The following WDR25 variants were observed in gnomAD, a reference collection of about 807,000 sequenced individuals.
The protein encoded by WDR25 is WD repeat domain 25, also known as WD repeat-containing protein 25.
WDR25 carries 35 observed loss-of-function variants against 47.7 expected under a neutral mutation model. The observed-to-expected ratio is 0.73, with a 90% CI of 0.56 to 0.97. The LOEUF is 0.97. Ranked by LOEUF, WDR25 falls within the 50% of genes least tolerant of loss-of-function variation. The pLI, the probability that WDR25 is intolerant of heterozygous loss-of-function variation, is 0.00. For synonymous variants in WDR25, 248 were observed against 278.9 expected, an observed-to-expected ratio of 0.89 and a Z score of 1.10; for missense variants, 634 against 704.7, an observed-to-expected ratio of 0.90 and a Z score of 1.14.
rs1296387361 is a variant in WDR25 at position 100,392,351 on chromosome 14, CCACGT to C, written c.822+10607_822+10611del. Among the ~76,000 whole-genome samples the C allele has an allele frequency of 6.6e-6, 1 of 151,598 alleles. No individual in the cohort carries two copies. Among genetic ancestry groups the C allele is most frequent in the African/African-American group, 2.4e-5 (1 of 41,204 alleles). On this transcript the variant is annotated intron_variant, in intron 2 of 6. Transcript: ENST00000402312. The surrounding 1 kb of genome is among the most constrained non-coding windows in gnomAD (Gnocchi z 4.2). Reference sequence around the variant, plus strand: ...GATAAGTGAGTGGGTTCTTTTCCAGCCACGTCTCTGTCTTCTTCTGCTTGGTTAGC... The same window carrying C: ...GATAAGTGAGTGGGTTCTTTTCCAGCCTCTGTCTTCTTCTGCTTGGTTAGC...
chr14:100,396,438 G>A (rs1897262178), intron 2 of WDR25, among the ~76,000 whole-genome samples: 1 of 152,182 alleles, frequency 6.6e-6, no homozygotes, highest in African/African-American at 2.4e-5. Context: ...ACCATGAAAA[G>A]CCACCCCAAA....
At chr14:100,397,952 C>T (rs1304095064) in intron 2 of WDR25, among the ~76,000 whole-genome samples, 2 of 152,172 alleles carry the variant, frequency 1.3e-5, no homozygotes, top group African/African-American at 2.4e-5. Context: ...AATTCTCCTG[C>T]CTCAGCCTCC....
intron 4 of WDR25, among the ~76,000 whole-genome samples, chr14:100,524,547 T>C (rs2030021052): frequency 6.6e-6 from 1 of 152,138 alleles, no homozygotes; most frequent in Non-Finnish European, 1.5e-5. Context: ...AAGGCTTTTT[T>C]TTTCCACCCC....
intron 4 of WDR25, among the ~76,000 whole-genome samples, chr14:100,508,826 T>C (rs1901204479): frequency 6.6e-6 from 1 of 152,184 alleles, no homozygotes; most frequent in Non-Finnish European, 1.5e-5. Context: ...TATATTGGTG[T>C]TGAATTTTGT....
intron 4 of WDR25, among the ~76,000 whole-genome samples, chr14:100,504,913 T>C (rs1901061691): frequency 6.6e-6 from 1 of 152,154 alleles, no homozygotes; most frequent in African/African-American, 2.4e-5. Context: ...TTCATTTTAG[T>C]TATTTTAGTG....
At position 100,430,414 on chromosome 14, in the gene WDR25, T is replaced by G. The variant is rs1334315217; in HGVS notation, c.823-37607T>G. 2.6e-5 allele frequency among the ~76,000 whole-genome samples: 4 copies of G among 152,176 alleles called. No individual in the cohort carries two copies. The highest frequency in any genetic ancestry group is 5.9e-5 in the Non-Finnish European group (4 of 68,028). On this transcript the variant is annotated intron_variant, in intron 2 of 6. Transcript: ENST00000402312. The surrounding 1 kb of genome is among the most constrained non-coding windows in gnomAD (Gnocchi z 4.7). ...ATGAAGCCGAAATTCCTAGTCTGTT[T>G]ATTCATAATAATACCTTATAGCTGA... is the stretch of plus-strand genomic sequence containing the variant.
intron 2 of WDR25, among the ~76,000 whole-genome samples, chr14:100,439,042 A>G (rs867473258): frequency 6.6e-6 from 1 of 152,300 alleles, no homozygotes; most frequent in African/African-American, 2.4e-5. Flanking sequence ...CTGCAGATGG[A>G]GGCAAGGAGC....
intron 3 of WDR25, among the ~76,000 whole-genome samples, chr14:100,472,126 G>A (rs918571871): frequency 1.3e-5 from 2 of 152,182 alleles, no homozygotes; most frequent in Non-Finnish European, 2.9e-5. Context: ...CCTGACCCTC[G>A]AGGCTGCAGC....
At chr14:100,519,266 GGAGAGAGAGA>G (rs139840480) in intron 4 of WDR25, among the ~76,000 whole-genome samples, 48 of 147,672 alleles carry the variant, frequency 3.3e-4, no homozygotes, top group African/African-American at 1.1e-3. Context: ...TTTATAGGGG[GGAGAGAGAGA>G]GAGAGAGAGA....
chr14:100,380,232 G>A (rs922883241), intron 1 of WDR25, among the ~76,000 whole-genome samples: 5 of 151,908 alleles, frequency 3.3e-5, no homozygotes, highest in Admixed American at 2.6e-4. Flanking sequence ...ATTTTTACTT[G>A]AGATGGGGTG....
intron 4 of WDR25, among the ~76,000 whole-genome samples, chr14:100,491,201 G>T (rs1394775683): frequency 1.3e-5 from 2 of 152,228 alleles, no homozygotes; most frequent in African/African-American, 4.8e-5. Context: ...ACTGGGTGCT[G>T]CCACCATCCC....
chr14:100,484,811 T>C (rs1357242423), intron 4 of WDR25, among the ~76,000 whole-genome samples: 1 of 152,206 alleles, frequency 6.6e-6, no homozygotes, highest in Non-Finnish European at 1.5e-5. Flanking sequence ...GTTGTAGCTC[T>C]GCTATTGTCT....
rs1285827190 is a variant in WDR25, at chr14:100,440,890, A to G, written c.823-27131A>G. Among the ~76,000 whole-genome samples the G allele has an allele frequency of 6.6e-6, 1 of 152,230 alleles. No homozygotes were observed. Among genetic ancestry groups the G allele is most frequent in the African/African-American group, 2.4e-5 (1 of 41,464 alleles). On this transcript the variant is annotated intron_variant, in intron 2 of 6. Coordinates refer to ENST00000402312, the MANE Select transcript of WDR25 (RefSeq NM_001161476.3). The surrounding 1 kb of genome is among the most constrained non-coding windows in gnomAD (Gnocchi z 4.4). Reference sequence around the variant, plus strand: ...TTGTCTGCACTGGGATTGTTCCCCCAGGATAGTCCTGATGACAAATGTAAT... The same window carrying G: ...TTGTCTGCACTGGGATTGTTCCCCCGGGATAGTCCTGATGACAAATGTAAT...
chr14:100,424,316 G>C lies in WDR25; in HGVS notation c.822+42570G>C, dbSNP rs1470319878. Among the ~76,000 whole-genome samples, 1 of 152,188 alleles carries C rather than the reference G, an allele frequency of 6.6e-6. No homozygotes were observed. The highest frequency in any genetic ancestry group is 1.5e-5 in the Non-Finnish European group (1 of 68,042). On this transcript the variant is annotated intron_variant, in intron 2 of 6. Transcript: ENST00000402312. The surrounding 1 kb of genome is among the most constrained non-coding windows in gnomAD (Gnocchi z 4.2). ...AACAAGGAGCAGGGCATTAGCCTCT[G>C]TTTCCATGACAGACTGTTCACAGCC... is the stretch of plus-strand genomic sequence containing the variant.
At chr14:100,391,097 G>C (rs1897134794) in intron 2 of WDR25, among the ~76,000 whole-genome samples, 1 of 152,076 alleles carries the variant, frequency 6.6e-6, no homozygotes, top group Non-Finnish European at 1.5e-5. Flanking sequence ...GTGATGTTGA[G>C]TTTTGGTATT....
rs188201747 is a variant in WDR25 at position 100,480,704 on chromosome 14, A to G, written c.971-3290A>G. 1.7e-3 allele frequency among the ~76,000 whole-genome samples: 261 copies of G among 152,308 alleles called. 8 individuals are homozygous for G. In the South Asian group the frequency reaches 0.036, roughly 21 times the overall value. ...CAGTGTTTTTCTAATCTGTTTTAAAATCCTTTAAGTGAAAATTTCAGTGGA... is the reference window on the plus strand; with the variant it reads ...CAGTGTTTTTCTAATCTGTTTTAAAGTCCTTTAAGTGAAAATTTCAGTGGA... On this transcript the variant is annotated intron_variant, in intron 3 of 6. Coordinates refer to ENST00000402312, the MANE Select transcript of WDR25 (RefSeq NM_001161476.3).
rs888027462 is a variant in WDR25 at position 100,498,111 on chromosome 14, A to G, written c.1101+13987A>G. Among the ~76,000 whole-genome samples the G allele has an allele frequency of 6.6e-6, 1 of 152,238 alleles. No homozygotes were observed. The highest frequency in any genetic ancestry group is 6.5e-5 in the Admixed American group (1 of 15,294). ...TTTGTGCCCCAACAAATAGATTCCC[A>G]GTTTCAGGAGTGTGTTGATGGCTGT... On this transcript the variant is annotated intron_variant, in intron 4 of 6. Transcript: ENST00000402312. This position sits in a 1 kb window ranked among gnomAD's most constrained non-coding sequence, Gnocchi z 4.2.
chr14:100,409,946 T>C (rs1030990940), intron 2 of WDR25, among the ~76,000 whole-genome samples: 2 of 152,250 alleles, frequency 1.3e-5, no homozygotes, highest in East Asian at 3.8e-4. Context: ...AATACATTTT[T>C]TCCCTCTCAT....
chr14:100,439,564 G>A (rs991910893), intron 2 of WDR25, among the ~76,000 whole-genome samples: 1 of 152,160 alleles, frequency 6.6e-6, no homozygotes, highest in African/African-American at 2.4e-5. Flanking sequence ...ATGCCTGTGG[G>A]GCTGCTGAAA....
Sources: allele counts gnomAD v4.1 joint callset (sites outside exome capture counted in the v4.1 genomes callset), GRCh38; gene constraint gnomAD v4.1.1; non-coding constraint Gnocchi (gnomAD v3.1); transcripts MANE v1.5; gene names NCBI Gene and HGNC (gene_info 2026-07-23, HGNC 2026-07-21).